SAMD3: variants seen among roughly 807,000 people sequenced by gnomAD.
The protein encoded by SAMD3 is sterile alpha motif domain containing 3, also known as sterile alpha motif domain-containing protein 3.
A neutral mutation model predicts 58.5 loss-of-function variants in SAMD3; 63 were observed. That is an observed-to-expected ratio of 1.08 (90% CI 0.88 to 1.33). The LOEUF (loss-of-function observed/expected upper bound fraction) is 1.33. SAMD3 is among the 40% of genes most tolerant of loss of function. The pLI is 0.00. For missense variants in SAMD3, 604 were observed against 608.4 expected (o/e 0.99, Z 0.08); for synonymous variants, 220 against 210.3 (o/e 1.05, Z -0.40).
chr6:130,266,336 A>G (rs1774355843), intron 2 of SAMD3, among the ~76,000 whole-genome samples: 1 of 152,142 alleles, frequency 6.6e-6, no homozygotes, highest in African/African-American at 2.4e-5. Context: ...GTAATAGGAG[A>G]TCAATGGCCA....
At chr6:130,365,394 C>A (rs1778109228) in exon 1 of SAMD3, 1 of 985,528 alleles carries the variant, frequency 1.0e-6, no homozygotes, top group Non-Finnish European at 1.2e-6. Flanking sequence ...CGGCGGGAAG[C>A]GTGGACGGAG....
At chr6:130,152,335 G>T (rs1789285210) in intron 9 of SAMD3, among the ~76,000 whole-genome samples, 1 of 152,176 alleles carries the variant, frequency 6.6e-6, no homozygotes, top group Non-Finnish European at 1.5e-5. Flanking sequence ...CTAGGGCTGA[G>T]TCAGGGAGGT....
chr6:130,245,336 T>C (rs1268392242), intron 2 of SAMD3, among the ~76,000 whole-genome samples: 4 of 152,238 alleles, frequency 2.6e-5, no homozygotes, highest in Non-Finnish European at 5.9e-5. Flanking sequence ...CATGACACTT[T>C]TATATTTCAT....
intron 8 of SAMD3, among the ~76,000 whole-genome samples, chr6:130,167,208 T>C (rs1282830569): frequency 6.6e-6 from 1 of 152,230 alleles, no homozygotes; most frequent in African/African-American, 2.4e-5. Flanking sequence ...TCCTCATTTA[T>C]GTTAAATCAA....
intron 8 of SAMD3, chr6:130,159,667 G>A (rs1177046056): frequency 2.0e-5 from 3 of 152,144 alleles, no homozygotes; most frequent in East Asian, 3.8e-4. Context: ...TTGCAACCTT[G>A]TCTTTCCTTG....
chr6:130,236,542 C>T (rs780657676), intron 2 of SAMD3, among the ~76,000 whole-genome samples: 9 of 152,240 alleles, frequency 5.9e-5, no homozygotes, highest in Non-Finnish European at 1.0e-4. Flanking sequence ...CACCACCGCA[C>T]CCGGCTAATT....
At chr6:130,244,582 A>C (rs1437128208) in intron 2 of SAMD3, among the ~76,000 whole-genome samples, 1 of 151,942 alleles carries the variant, frequency 6.6e-6, no homozygotes. Flanking sequence ...TCTACTAAAA[A>C]TACAAAAATT....
chr6:130,207,021 C>T (rs1297137165), intron 5 of SAMD3, among the ~76,000 whole-genome samples: 1 of 151,906 alleles, frequency 6.6e-6, no homozygotes, highest in African/African-American at 2.4e-5. Flanking sequence ...TGGTAGTGCA[C>T]ACCTGTGGGC....
intron 8 of SAMD3, among the ~76,000 whole-genome samples, chr6:130,175,365 G>C (rs559824878): frequency 3.3e-5 from 5 of 152,170 alleles, no homozygotes; most frequent in Non-Finnish European, 5.9e-5. Flanking sequence ...CTGGGTTGGG[G>C]TGGAAAGGCT....
chr6:130,228,369 A>G (rs1009917706), intron 2 of SAMD3, among the ~76,000 whole-genome samples: 2 of 152,294 alleles, frequency 1.3e-5, no homozygotes, highest in Middle Eastern at 3.4e-3. Flanking sequence ...TCTGCATGCC[A>G]TGATGAACCT....
intron 7 of SAMD3, among the ~76,000 whole-genome samples, chr6:130,179,188 C>A (rs145927904): frequency 1.1e-3 from 173 of 152,200 alleles, no homozygotes; most frequent in African/African-American, 4.1e-3. Context: ...CTGATAGGAA[C>A]AGAAAAAGGA....
chr6:130,146,567 A>G (rs548347237), intron 9 of SAMD3, among the ~76,000 whole-genome samples: 2 of 152,360 alleles, frequency 1.3e-5, no homozygotes, highest in South Asian at 4.1e-4. Context: ...GCAGCAAAGA[A>G]CAAAACTGTT....
At chr6:130,332,778 C>G (rs2115014384) in intron 1 of SAMD3, among the ~76,000 whole-genome samples, 1 of 152,126 alleles carries the variant, frequency 6.6e-6, no homozygotes, top group African/African-American at 2.4e-5. Context: ...TGAGGGAACC[C>G]TAGGTCCCGA....
downstream of SAMD3, chr6:130,143,034 GTTAA>G (rs1046043713): frequency 1.3e-5 from 2 of 152,192 alleles, no homozygotes; most frequent in African/African-American, 4.8e-5. Flanking sequence ...GATGTAAGTA[GTTAA>G]TTAATAGTGA....
chr6:130,199,950 C>G (rs965477235), intron 5 of SAMD3, among the ~76,000 whole-genome samples: 1 of 152,064 alleles, frequency 6.6e-6, no homozygotes, highest in Non-Finnish European at 1.5e-5. Flanking sequence ...AACCTATAAT[C>G]AAGCACAAAG....
chr6:130,342,311 T>C (rs1019373869), intron 1 of SAMD3, among the ~76,000 whole-genome samples: 6 of 152,224 alleles, frequency 3.9e-5, no homozygotes, highest in Non-Finnish European at 8.8e-5. Flanking sequence ...TTTGGAATCA[T>C]AATGAGCTGT....
upstream of SAMD3, chr6:130,365,576 G>A (rs941971230): frequency 5.8e-5 from 57 of 985,236 alleles, no homozygotes; most frequent in Non-Finnish European, 6.7e-5. Flanking sequence ...GTCGGCTGGA[G>A]CTCCCCAGCC....
At chr6:130,231,691 T>A (rs1253330082) in intron 2 of SAMD3, among the ~76,000 whole-genome samples, 4 of 152,250 alleles carry the variant, frequency 2.6e-5, no homozygotes, top group Non-Finnish European at 5.9e-5. Context: ...TGTGTATGTG[T>A]GTTATTAAAA....
chr6:130,309,098 C>A lies in SAMD3; in HGVS notation c.-188+3880G>T, dbSNP rs192450431. On this transcript the variant is annotated intron_variant, in intron 2 of 13. Coordinates refer to the SAMD3 transcript ENST00000368134. Reference sequence around the variant, plus strand: ...AAGTTTGACCCTAGTGAGAAGAGAGCCTTCTCCAAGTTCATTAGACAAGAG... The same window carrying A: ...AAGTTTGACCCTAGTGAGAAGAGAGACTTCTCCAAGTTCATTAGACAAGAG... Among the ~76,000 whole-genome samples, 191 of 152,248 alleles carry A rather than the reference C, an allele frequency of 1.3e-3. 1 individual carries two copies. Among genetic ancestry groups the A allele is most frequent in the African/African-American group, 4.4e-3 (183 of 41,556 alleles).
Sources: gnomAD v4.1 joint callset for allele counts (sites outside exome capture counted in the v4.1 genomes callset) on GRCh38, gnomAD v4.1.1 for gene constraint, MANE v1.5 for transcripts, NCBI Gene and HGNC (gene_info 2026-07-23, HGNC 2026-07-21) for gene names.